CELF5: variants seen among roughly 807,000 people sequenced by gnomAD.
CELF5 encodes the protein CUG-BP and ETR-3 like factor 5.
Under a neutral mutation model 54.9 loss-of-function variants are expected in CELF5, and 6 were observed. The observed-to-expected ratio is 0.11, with a 90% CI of 0.06 to 0.22. The LOEUF (loss-of-function observed/expected upper bound fraction) is 0.22. CELF5 is among the 10% of genes least tolerant of loss of function. The pLI is 1.00. For missense variants in CELF5, 401 were observed against 678.6 expected (o/e 0.59, Z 4.54); for synonymous variants, 271 against 290.9 (o/e 0.93, Z 0.70).
At position 3,228,791 on chromosome 19, in the gene CELF5, G is replaced by A. The variant is rs977052092; in HGVS notation, c.259+3793G>A. On this transcript the variant is annotated intron_variant, in intron 1 of 12. Transcript: ENST00000292672. The surrounding 1 kb of genome is among the most constrained non-coding windows in gnomAD (Gnocchi z 6.0). The stretch of plus-strand genomic sequence containing the variant: ...GAGAAGGCGGGCTGGGCGGCCTGGC[G>A]GGGGGACCGCGGGAGCAGTTGGCAC... 2.6e-5 allele frequency among the ~76,000 whole-genome samples: 4 copies of A among 152,094 alleles called. No homozygotes were observed. Among genetic ancestry groups the A allele is most frequent in the African/African-American group, 4.8e-5 (2 of 41,486 alleles).
intron 1 of CELF5, among the ~76,000 whole-genome samples, chr19:3,227,698 G>A (rs965048713): frequency 1.3e-5 from 2 of 152,118 alleles, no homozygotes; most frequent in African/African-American, 2.4e-5. Flanking sequence ...CCATCGCCAT[G>A]GAGGTGGGCT....
At chr19:3,256,361 C>T (rs953749278) in intron 2 of CELF5, among the ~76,000 whole-genome samples, 1 of 152,108 alleles carries the variant, frequency 6.6e-6, no homozygotes, top group African/African-American at 2.4e-5. Context: ...CCCTCAAGGG[C>T]AGTCCCTGGG....
At position 3,278,692 on chromosome 19, in the gene CELF5, T is replaced by G. The variant is rs968135698; in HGVS notation, c.603+582T>G. Among the ~76,000 whole-genome samples, 14 of 151,564 alleles carry G rather than the reference T, an allele frequency of 9.2e-5. No individual in the cohort carries two copies. The highest frequency in any genetic ancestry group is 3.4e-4 in the African/African-American group (14 of 41,284). ...TTGTGGGCAGGTTTGTGTGTGTGTG[T>G]GTGTGTGTTTGTGTGTGTGCATGAC... On this transcript the variant is annotated intron_variant, in intron 5 of 12. Transcript: ENST00000292672. This position sits in a 1 kb window ranked among gnomAD's most constrained non-coding sequence, Gnocchi z 4.5.
At chr19:3,254,047 G>A (rs1444285752) in intron 2 of CELF5, among the ~76,000 whole-genome samples, 1 of 152,118 alleles carries the variant, frequency 6.6e-6, no homozygotes, top group Non-Finnish European at 1.5e-5. Context: ...GCACTCTGTT[G>A]GCAGCCAGGA....
chr19:3,284,898 G>A lies in CELF5; in HGVS notation c.1040-4G>A. On this transcript the variant is annotated splice_region_variant and splice_polypyrimidine_tract_variant and intron_variant, in intron 8 of 12. Coordinates refer to ENST00000292672, the MANE Select transcript of CELF5 (RefSeq NM_021938.4). ...CCCCACTCAGCCCCTCTGTCTGCCC[G>A]CAGCTCAGAGCCCGACTGTGGCCGA... 1 of 1,612,314 alleles carries A rather than the reference G, an allele frequency of 6.2e-7. No homozygotes were observed. The highest frequency in any genetic ancestry group is 8.5e-7 in the Non-Finnish European group (1 of 1,179,220).
At chr19:3,242,309 A>T (rs534520918) in intron 1 of CELF5, among the ~76,000 whole-genome samples, 41 of 151,216 alleles carry the variant, frequency 2.7e-4, no homozygotes, top group African/African-American at 9.5e-4. Context: ...TGAGGCGGGC[A>T]GATTACTTGA....
intron 1 of CELF5, among the ~76,000 whole-genome samples, chr19:3,232,694 C>T (rs1354480367): frequency 6.7e-6 from 1 of 149,598 alleles, no homozygotes; most frequent in Non-Finnish European, 1.5e-5. Context: ...GTAATCCCAG[C>T]ACTTTGGGAG....
chr19:3,225,327 C>A (rs1368573519), intron 1 of CELF5, among the ~76,000 whole-genome samples: 1 of 109,032 alleles, frequency 9.2e-6, no homozygotes, highest in Non-Finnish European at 1.9e-5. Flanking sequence ...TCTCATCCTT[C>A]CCCCCACAGC....
At chr19:3,269,987 A>G (rs1010133383) in intron 2 of CELF5, among the ~76,000 whole-genome samples, 1 of 152,152 alleles carries the variant, frequency 6.6e-6, no homozygotes, top group African/African-American at 2.4e-5. Context: ...GGGTCAGCAG[A>G]TGTGGGTGTT....
At chr19:3,295,322 C>T (rs1000139516) in intron 12 of CELF5, 1 of 152,104 alleles carries the variant, frequency 6.6e-6, no homozygotes, top group African/African-American at 2.4e-5. Flanking sequence ...AACTTGGTGA[C>T]TTCCCCAAAC....
intron 1 of CELF5, among the ~76,000 whole-genome samples, chr19:3,235,055 C>T (rs1917465026): frequency 6.6e-6 from 1 of 152,110 alleles, no homozygotes; most frequent in African/African-American, 2.4e-5. Context: ...CATACCATCC[C>T]CTGCCCCCTC....
intron 2 of CELF5, among the ~76,000 whole-genome samples, chr19:3,255,925 C>T (rs553089616): frequency 1.1e-4 from 16 of 151,988 alleles, no homozygotes; most frequent in Admixed American, 3.3e-4. Flanking sequence ...ATTAGCTGGG[C>T]GTGGTGGCAG....
intron 1 of CELF5, among the ~76,000 whole-genome samples, chr19:3,241,224 A>T (rs1354375557): frequency 6.6e-6 from 1 of 151,462 alleles, no homozygotes; most frequent in Non-Finnish European, 1.5e-5. Flanking sequence ...ACCACGCACA[A>T]GCCACCGCGC....
chr19:3,226,339 A>C (rs867274015), intron 1 of CELF5, among the ~76,000 whole-genome samples: 1 of 151,832 alleles, frequency 6.6e-6, no homozygotes, highest in Non-Finnish European at 1.5e-5. Context: ...GTCTGGTGAG[A>C]TGGGGCCCAG....
Position 3,228,875 on chromosome 19 carries a change from CGTGTGTGTGTGTGTGTGT to C in CELF5, c.259+3900_259+3917del, listed in dbSNP as rs60632293. Among the ~76,000 whole-genome samples, 1 of 124,108 alleles carries C rather than the reference CGTGTGTGTGTGTGTGTGT, an allele frequency of 8.1e-6. No homozygotes were observed. Among genetic ancestry groups the C allele is most frequent in the Admixed American group, 7.8e-5 (1 of 12,826 alleles). The allele number at this position is 124,108 out of a possible 152,430, so 81.4% of individuals were successfully genotyped here. ...GGGGGTGGCTGGCAGGGTTGGCCGG[CGTGTGTGTGTGTGTGTGT>C]GTGTGTGTGTGTGTGTGTGTGTACG... On this transcript the variant is annotated intron_variant, in intron 1 of 12. Transcript: ENST00000292672. The surrounding 1 kb of genome is among the most constrained non-coding windows in gnomAD (Gnocchi z 6.0).
intron 1 of CELF5, among the ~76,000 whole-genome samples, chr19:3,236,428 G>T (rs1192141648): frequency 1.3e-5 from 2 of 152,144 alleles, no homozygotes; most frequent in African/African-American, 2.4e-5. Flanking sequence ...ACAGCAGAAA[G>T]GTACTGAGCT....
rs533231074 is a variant in CELF5 at position 3,293,624 on chromosome 19, T to G, written c.*40+138T>G. On this transcript the variant is annotated intron_variant, in intron 12 of 12. Transcript: ENST00000292672. ...GGCTACAAGAAACCTCCGGGTTGGG[T>G]TGGCGGGGACAGAGCTGGATGTAGA... The G allele has an allele frequency of 9.3e-5, 68 of 732,836 alleles. 1 individual carries two copies. The South Asian group carries it at 1.3e-3, about 14-fold the overall frequency. The allele number at this position is 732,836 out of a possible 1,614,324, so 45.4% of individuals were successfully genotyped here. A position where few individuals can be genotyped will look rare whatever the true frequency, so the allele number is the denominator to read the frequency against.
In CELF5 at chr19:3,275,163, A is replaced by G. The variant is rs1290632601; in HGVS notation, c.395-693A>G. On this transcript the variant is annotated intron_variant, in intron 3 of 12. Coordinates refer to ENST00000292672, the MANE Select transcript of CELF5 (RefSeq NM_021938.4). The surrounding 1 kb of genome is among the most constrained non-coding windows in gnomAD (Gnocchi z 6.7). ...AGATGAAGCCACCACGTTCCCCATT[A>G]CCAGGGAGCATGCAGTTACCCAAGG... Among the ~76,000 whole-genome samples the G allele has an allele frequency of 6.6e-6, 1 of 152,006 alleles. No individual in the cohort carries two copies. The highest frequency in any genetic ancestry group is 6.6e-5 in the Admixed American group (1 of 15,236).
intron 1 of CELF5, among the ~76,000 whole-genome samples, chr19:3,235,646 G>GTGGATGGATGGATGGATGGATGGA (rs1273273181): frequency 4.5e-5 from 2 of 44,598 alleles, no homozygotes; most frequent in Admixed American, 2.0e-4. Flanking sequence ...GGGTGGATGA[G>GTGGATGGATGGATGGATGGATGGA]TGGATGGATG....
Sources: allele counts gnomAD v4.1 joint callset (sites outside exome capture counted in the v4.1 genomes callset), GRCh38; gene constraint gnomAD v4.1.1; non-coding constraint Gnocchi (gnomAD v3.1); transcripts MANE v1.5; gene names NCBI Gene and HGNC (gene_info 2026-07-23, HGNC 2026-07-21).